LIPI: variants seen among roughly 807,000 people sequenced by gnomAD.
LIPI encodes lipase I.
In LIPI, 59 loss-of-function variants were observed where a neutral mutation model predicts 50.6. That is an observed-to-expected ratio of 1.16 (90% confidence interval 0.94 to 1.45). The LOEUF is 1.45. Among genes scored for constraint, LIPI ranks in the 40% most tolerant of loss-of-function variants. The probability of loss-of-function intolerance (pLI) is 0.00; values close to 1 mark genes in which losing one functional copy is unlikely to be tolerated. For synonymous variants in LIPI, 203 were observed against 178.2 expected (o/e 1.14, Z -1.11); for missense variants, 586 against 536.3 (o/e 1.09, Z -0.92).
chr21:14,116,289 C>T (rs773431799), intron 9 of LIPI, among the ~76,000 whole-genome samples: 2 of 151,874 alleles, frequency 1.3e-5, no homozygotes, highest in East Asian at 2.0e-4. Context: ...CTGTGTCCTC[C>T]GAGGCGAGTG....
intron 9 of LIPI, among the ~76,000 whole-genome samples, chr21:14,136,256 G>C (rs551519457): frequency 6.6e-6 from 1 of 152,288 alleles, no homozygotes; most frequent in South Asian, 2.1e-4. Flanking sequence ...AGAGCACCAA[G>C]TGGGCTCGTG....
chr21:14,119,636 A>T (rs1039310693), intron 9 of LIPI, among the ~76,000 whole-genome samples: 1 of 152,234 alleles, frequency 6.6e-6, no homozygotes, highest in Non-Finnish European at 1.5e-5. Flanking sequence ...ATGGCTTTCA[A>T]GGAAATCAAG....
chr21:14,190,802 C>A (rs1166893173), intron 1 of LIPI, among the ~76,000 whole-genome samples: 1 of 152,138 alleles, frequency 6.6e-6, no homozygotes, highest in Non-Finnish European at 1.5e-5. Context: ...GAAATCTATA[C>A]ATCCACCTTC....
chr21:14,144,099 T>A (rs1302806591), intron 9 of LIPI: 1 of 153,920 alleles, frequency 6.5e-6, no homozygotes, highest in Non-Finnish European at 1.5e-5. Flanking sequence ...TGGGGTTGAA[T>A]CTCAAGTGAT....
At chr21:14,125,423 CAAAAG>C (rs1490028874) in intron 9 of LIPI, among the ~76,000 whole-genome samples, 2 of 152,106 alleles carry the variant, frequency 1.3e-5, no homozygotes, top group Non-Finnish European at 2.9e-5. Flanking sequence ...AGCAAACTGA[CAAAAG>C]AGATAAAATT....
chr21:14,149,917 T>G (rs1420890706), intron 8 of LIPI, among the ~76,000 whole-genome samples: 1 of 152,182 alleles, frequency 6.6e-6, no homozygotes, highest in Non-Finnish European at 1.5e-5. Context: ...TCCAGGTGCA[T>G]GGTGCAAGCT....
rs184792289 is a variant in LIPI at position 14,141,294 on chromosome 21, T to G, written c.1295+3329A>C. Among the ~76,000 whole-genome samples the G allele has an allele frequency of 1.1e-4, 16 of 152,166 alleles. No individual in the cohort carries two copies. The East Asian group carries it at 2.5e-3, about 24-fold the overall frequency. ...CTATTTTCTCTATTTTTATATCTCCTTATTCTATAAGTTATTGATAAATAT... is the reference window on the plus strand; with the variant it reads ...CTATTTTCTCTATTTTTATATCTCCGTATTCTATAAGTTATTGATAAATAT... On this transcript the variant is annotated intron_variant, in intron 9 of 9. Coordinates refer to ENST00000681601, the MANE Select transcript of LIPI (RefSeq NM_001302998.2).
intron 4 of LIPI, among the ~76,000 whole-genome samples, chr21:14,175,924 A>G (rs1021671522): frequency 4.6e-5 from 7 of 152,154 alleles, no homozygotes; most frequent in Non-Finnish European, 1.0e-4. Context: ...CAAGTCTGTA[A>G]TCCCAGCACT....
chr21:14,209,458 T>G (rs563190117), intron 1 of LIPI, among the ~76,000 whole-genome samples: 80 of 152,272 alleles, frequency 5.3e-4, no homozygotes, highest in African/African-American at 1.9e-3. Context: ...TCAACAAAAT[T>G]TTTTAATCAA....
chr21:14,188,387 G>A (rs1181649685), intron 2 of LIPI, among the ~76,000 whole-genome samples: 3 of 151,916 alleles, frequency 2.0e-5, no homozygotes, highest in Admixed American at 1.3e-4. Context: ...GGCCAACATG[G>A]TGAAACCTCG....
Position 14,185,985 on chromosome 21 carries a change from G to A in LIPI, c.517C>T (p.His173Tyr), listed in dbSNP as rs866638380. ...HISGFVGKIF[H>Y]GQLGRITGLD... ...CCTGTTATTCTTCCAAGTTGACCAT[G>A]AAATATCTTTCCAACAAATCCACTG... is the stretch of plus-strand genomic sequence containing the variant. The change falls in exon 3 of 10, where the codon CAT becomes TAT. Residue 173 changes from histidine to tyrosine, a missense_variant. Physicochemically the swap from His to Tyr is moderately conservative, Grantham distance 83 (BLOSUM62 2). Coordinates refer to ENST00000681601, the MANE Select transcript of LIPI (RefSeq NM_001302998.2). 2 of 1,580,734 alleles carry A rather than the reference G, an allele frequency of 1.3e-6. No individual in the cohort carries two copies. Among genetic ancestry groups the A allele is most frequent in the Non-Finnish European group, 1.7e-6 (2 of 1,150,226 alleles).
chr21:14,156,437 G>A (rs2018273283), intron 7 of LIPI, among the ~76,000 whole-genome samples: 1 of 151,760 alleles, frequency 6.6e-6, no homozygotes, highest in Admixed American at 6.6e-5. Context: ...CAACAAATAT[G>A]AACAATTTCT....
At chr21:14,135,365 G>A (rs2017453416) in intron 9 of LIPI, among the ~76,000 whole-genome samples, 1 of 152,126 alleles carries the variant, frequency 6.6e-6, no homozygotes, top group Non-Finnish European at 1.5e-5. Context: ...AGCACTCATA[G>A]TACCTAGTTT....
intron 9 of LIPI, among the ~76,000 whole-genome samples, chr21:14,134,258 A>G (rs2017409030): frequency 6.6e-6 from 1 of 152,120 alleles, no homozygotes; most frequent in Non-Finnish European, 1.5e-5. Context: ...AAAACTCTGT[A>G]AGGATAACAA....
At chr21:14,199,797 C>T (rs541858848) in intron 1 of LIPI, among the ~76,000 whole-genome samples, 1 of 151,618 alleles carries the variant, frequency 6.6e-6, no homozygotes, top group Non-Finnish European at 1.5e-5. Flanking sequence ...GATTTAACAA[C>T]ACCACAAAAA....
chr21:14,205,078 A>T (rs1184473475), intron 1 of LIPI, among the ~76,000 whole-genome samples: 2 of 151,830 alleles, frequency 1.3e-5, no homozygotes, highest in Admixed American at 6.6e-5. Context: ...CAGGTAAGGG[A>T]TATAAACAGA....
intron 9 of LIPI, among the ~76,000 whole-genome samples, chr21:14,126,880 G>A (rs1282933111): frequency 6.6e-6 from 1 of 152,110 alleles, no homozygotes; most frequent in East Asian, 1.9e-4. Flanking sequence ...AGCAGCATCA[G>A]GAAGTTTTTA....
chr21:14,119,262 C>G (rs1369476075), intron 9 of LIPI, among the ~76,000 whole-genome samples: 1 of 152,178 alleles, frequency 6.6e-6, no homozygotes, highest in African/African-American at 2.4e-5. Context: ...TACTGCCATA[C>G]ATAGATGATT....
At chr21:14,128,093 C>T (rs1042269760) in intron 9 of LIPI, among the ~76,000 whole-genome samples, 2 of 151,926 alleles carry the variant, frequency 1.3e-5, no homozygotes, top group Non-Finnish European at 2.9e-5. Context: ...AATAATGAGA[C>T]TTGAAGATAC....
Sources: allele counts gnomAD v4.1 joint callset (sites outside exome capture counted in the v4.1 genomes callset), GRCh38; gene constraint gnomAD v4.1.1; transcripts MANE v1.5; gene names NCBI Gene and HGNC (gene_info 2026-07-23, HGNC 2026-07-21).